Variants in PTBP3 observed in about 807,000 individuals in gnomAD.
PTBP3 encodes polypyrimidine tract-binding protein 3.
In PTBP3, 20 loss-of-function variants were observed where a neutral mutation model predicts 58.7. The ratio of observed to expected loss-of-function variants is 0.34; its 90% CI spans 0.24 to 0.50. PTBP3 has a LOEUF of 0.50. PTBP3 is among the 20% of genes least tolerant of loss of function. PTBP3 has a pLI of 0.98. For missense variants in PTBP3, 509 were observed against 637.2 expected (o/e 0.80, Z 2.17); for synonymous variants, 185 against 219.8 (o/e 0.84, Z 1.40).
chr9:112,333,169 C>G (rs957476253), intron 1 of PTBP3: 5 of 1,177,552 alleles, frequency 4.2e-6, no homozygotes, highest in Non-Finnish European at 4.3e-6. Flanking sequence ...GGAGGGCGGA[C>G]CTCGGCACCG....
chr9:112,346,870 C>T, the PTBP3 span, among the ~76,000 whole-genome samples: 1 of 152,022 alleles, frequency 6.6e-6, no homozygotes, highest in Non-Finnish European at 1.5e-5. Flanking sequence ...ACTACAGGTG[C>T]GTGCCACCAC....
chr9:112,366,373 T>C, the PTBP3 span, among the ~76,000 whole-genome samples: 44 of 152,068 alleles, frequency 2.9e-4, no homozygotes, highest in Non-Finnish European at 3.5e-4. Context: ...GAGGTCTTCA[T>C]GGCAGCCCCT....
rs61362744 is a variant in PTBP3 at position 112,291,358 on chromosome 9, G to GA, written c.34+6473dup. Among the ~76,000 whole-genome samples, 194 of 140,544 alleles carry GA rather than the reference G, an allele frequency of 1.4e-3. 1 individual carries two copies. The Middle Eastern group carries it at 0.018, about 13-fold the overall frequency. 92.2% of individuals were successfully genotyped at this position (140,544 alleles called of 152,430 possible). Reference sequence around the variant, plus strand: ...CAAAATCCCAATGGCATTTTTGCAGGAAAAAAAAAAAAAATCCTGACATTC... The same window carrying GA: ...CAAAATCCCAATGGCATTTTTGCAGGAAAAAAAAAAAAAAATCCTGACATTC... On this transcript the variant is annotated intron_variant, in intron 2 of 13. Coordinates refer to ENST00000374257, the MANE Select transcript of PTBP3 (RefSeq NM_001163788.4).
intron 12 of PTBP3, among the ~76,000 whole-genome samples, chr9:112,226,145 A>G (rs1291832937): frequency 6.6e-6 from 1 of 151,626 alleles, no homozygotes; most frequent in Non-Finnish European, 1.5e-5. Context: ...CACAGTAATG[A>G]GCTGCTAAAT....
the PTBP3 span, among the ~76,000 whole-genome samples, chr9:112,373,283 G>A: frequency 6.6e-6 from 1 of 152,144 alleles, no homozygotes. Flanking sequence ...GAGCCAGTCT[G>A]AGCCCCAAAA....
intron 1 of PTBP3, among the ~76,000 whole-genome samples, chr9:112,326,229 TCA>T (rs1485032512): frequency 6.6e-6 from 1 of 152,162 alleles, no homozygotes; most frequent in African/African-American, 2.4e-5. Flanking sequence ...AAATTACAGC[TCA>T]GTTTAAAAGG....
chr9:112,259,264 A>C (rs1424929548), intron 5 of PTBP3, among the ~76,000 whole-genome samples: 1 of 152,106 alleles, frequency 6.6e-6, no homozygotes, highest in Non-Finnish European at 1.5e-5. Flanking sequence ...GTTTATTCTT[A>C]ATATAGCAAC....
chr9:112,333,848 C>T (rs1364078015), upstream of PTBP3, among the ~76,000 whole-genome samples: 1 of 149,818 alleles, frequency 6.7e-6, no homozygotes, highest in South Asian at 2.1e-4. Context: ...CCTCTCGGCC[C>T]CTCGGCCCGG....
intron 1 of PTBP3, among the ~76,000 whole-genome samples, chr9:112,309,587 A>G (rs1829387151): frequency 6.6e-6 from 1 of 152,090 alleles, no homozygotes; most frequent in Admixed American, 6.6e-5. Flanking sequence ...GGAGTTTGAG[A>G]CCAGTCTGGC....
At chr9:112,367,685 T>C in the PTBP3 span, among the ~76,000 whole-genome samples, 2 of 152,192 alleles carry the variant, frequency 1.3e-5, no homozygotes, top group Non-Finnish European at 2.9e-5. Flanking sequence ...TTCCCTTGTA[T>C]GTAATGAGTT....
chr9:112,300,402 AC>A (rs1205997798), intron 1 of PTBP3, among the ~76,000 whole-genome samples: 1 of 152,244 alleles, frequency 6.6e-6, no homozygotes, highest in African/African-American at 2.4e-5. Context: ...CAATGACTAT[AC>A]AACAATGAGA....
chr9:112,245,505 AACAC>A (rs536912403), intron 7 of PTBP3, among the ~76,000 whole-genome samples: 1 of 151,474 alleles, frequency 6.6e-6, no homozygotes, highest in East Asian at 1.9e-4. Context: ...TGTTTTTTAA[AACAC>A]ACACACACAC....
rs570434734 is a variant in PTBP3 at position 112,316,191 on chromosome 9, CT to C, written c.-52+17278del. The stretch of plus-strand genomic sequence containing the variant: ...TAAGGTGGTGCCAAATGATCCCCAT[CT>C]CCTAGAATTCATGTCCAAGTGTAAT... On this transcript the variant is annotated intron_variant, in intron 1 of 13. Coordinates refer to ENST00000374257, the MANE Select transcript of PTBP3 (RefSeq NM_001163788.4). 2.4e-3 allele frequency among the ~76,000 whole-genome samples: 372 copies of C among 152,234 alleles called. 2 individuals carry two copies. Among genetic ancestry groups the C allele is most frequent in the African/African-American group, 8.8e-3 (365 of 41,530 alleles).
At chr9:112,269,970 A>C (rs970917979) in intron 3 of PTBP3, among the ~76,000 whole-genome samples, 1 of 148,736 alleles carries the variant, frequency 6.7e-6, no homozygotes, top group African/African-American at 2.5e-5. Flanking sequence ...TTTGAGACAC[A>C]GTCTCACTCT....
intron 2 of PTBP3, among the ~76,000 whole-genome samples, chr9:112,292,149 A>T (rs1453454271): frequency 6.6e-6 from 1 of 152,248 alleles, no homozygotes; most frequent in Non-Finnish European, 1.5e-5. Flanking sequence ...TGAAGAAGAT[A>T]TACGAATAGC....
At chr9:112,375,321 G>T in the PTBP3 span, among the ~76,000 whole-genome samples, 1 of 152,182 alleles carries the variant, frequency 6.6e-6, no homozygotes, top group African/African-American at 2.4e-5. Context: ...CCATGAATTA[G>T]TGTATAATCA....
At position 112,219,956 on chromosome 9, in the gene PTBP3, T is replaced by G. The variant is rs1266030713; in HGVS notation, c.*3895A>C. 8 of 540,866 alleles carry G rather than the reference T, an allele frequency of 1.5e-5. No homozygotes were observed. The highest frequency in any genetic ancestry group is 2.0e-5 in the Non-Finnish European group (8 of 404,596). The allele number at this position is 540,866 out of a possible 1,614,324, so 33.5% of individuals were successfully genotyped here. ...ACTCTTTTAAAAGACAGCTGAGTTA[T>G]ATTTTCAAATTTTGTGCAATCTAAA... On this transcript the variant is annotated 3_prime_UTR_variant, in exon 14 of 14. Coordinates refer to ENST00000374257, the MANE Select transcript of PTBP3 (RefSeq NM_001163788.4).
intron 1 of PTBP3, among the ~76,000 whole-genome samples, chr9:112,308,637 G>A (rs922962540): frequency 2.6e-5 from 4 of 151,930 alleles, no homozygotes; most frequent in Non-Finnish European, 4.4e-5. Flanking sequence ...GAATGCAGAC[G>A]ACCAAAAGAA....
the PTBP3 span, among the ~76,000 whole-genome samples, chr9:112,339,656 C>T: frequency 1.3e-5 from 2 of 151,608 alleles, no homozygotes; most frequent in Non-Finnish European, 2.9e-5. Context: ...CTCTACCTCC[C>T]AGGTTCAAGC....
Sources: gnomAD v4.1 joint callset for allele counts (sites outside exome capture counted in the v4.1 genomes callset) on GRCh38, gnomAD v4.1.1 for gene constraint, MANE v1.5 for transcripts, NCBI Gene and HGNC (gene_info 2026-07-23, HGNC 2026-07-21) for gene names.